Variants in CLVS1 observed in about 807,000 individuals in gnomAD.
CLVS1 encodes the protein clavesin-1.
Under a neutral mutation model 33.1 loss-of-function variants are expected in CLVS1, and 10 were observed. The observed-to-expected ratio is 0.30, with a 90% CI of 0.19 to 0.51. The LOEUF is 0.51. CLVS1 is among the 20% of genes least tolerant of loss of function. CLVS1 has a pLI of 0.97. For synonymous variants in CLVS1, 163 were observed against 166.1 expected (o/e 0.98, Z 0.14); for missense variants, 343 against 433.4 (o/e 0.79, Z 1.85).
chr8:61,132,487 C>T (rs996719931), intron 2 of CLVS1, among the ~76,000 whole-genome samples: 7 of 152,188 alleles, frequency 4.6e-5, no homozygotes, highest in African/African-American at 1.7e-4. Context: ...CTGAATGGGG[C>T]AGGCTTCAGG....
At chr8:61,057,834 T>C (rs1220226056) in intron 1 of CLVS1, among the ~76,000 whole-genome samples, 3 of 152,324 alleles carry the variant, frequency 2.0e-5, no homozygotes, top group Non-Finnish European at 4.4e-5. Context: ...CCTTTATATA[T>C]TTCAGCCTTT....
At chr8:61,078,150 G>T (rs570729514) in intron 1 of CLVS1, among the ~76,000 whole-genome samples, 1 of 152,222 alleles carries the variant, frequency 6.6e-6, no homozygotes, top group Non-Finnish European at 1.5e-5. Flanking sequence ...TCTCCGGGGC[G>T]CATGAGGCAG....
intron 3 of CLVS1, 77 bp downstream of exon 3, chr8:61,376,856 A>C: frequency 7.5e-7 from 1 of 1,340,260 alleles, no homozygotes; most frequent in Non-Finnish European, 1.0e-6. Flanking sequence ...CCAAAGTAAT[A>C]TTTATCCTTT....
chr8:61,323,854 G>A (rs71513470), intron 2 of CLVS1, among the ~76,000 whole-genome samples: 155 of 151,968 alleles, frequency 1.0e-3, no homozygotes, highest in Non-Finnish European at 1.5e-3. Flanking sequence ...TTCCCTCTAC[G>A]TGTCTATAAG....
In CLVS1 at chr8:61,205,383, C is replaced by T. The variant is rs113109017; in HGVS notation, c.-152+73523C>T. 8.7e-3 allele frequency among the ~76,000 whole-genome samples: 1,330 copies of T among 152,282 alleles called. 28 individuals are homozygous for T. Among genetic ancestry groups the T allele is most frequent in the African/African-American group, 0.03 (1,233 of 41,562 alleles). ...ATCAATGGAATCATACAGTATTTGT[C>T]CTTTCGTGTTGCATAAAGACTTCAG... On this transcript the variant is annotated intron_variant, in intron 2 of 2. Coordinates refer to the CLVS1 transcript ENST00000522621.
chr8:61,116,702 A>G (rs1429797738), intron 1 of CLVS1, among the ~76,000 whole-genome samples: 1 of 146,156 alleles, frequency 6.8e-6, no homozygotes, highest in Non-Finnish European at 1.5e-5. Flanking sequence ...GTTATTTCTG[A>G]GGGCTCTGTT....
intron 2 of CLVS1, among the ~76,000 whole-genome samples, chr8:61,195,790 G>A (rs1585680116): frequency 6.6e-6 from 1 of 152,030 alleles, no homozygotes; most frequent in Non-Finnish European, 1.5e-5. Context: ...GACTGGGAAA[G>A]GTAGAAATGA....
chr8:60,996,342 T>A, the CLVS1 span, among the ~76,000 whole-genome samples: 1,319 of 152,274 alleles, frequency 8.7e-3, 25 homozygotes, highest in African/African-American at 0.031. Flanking sequence ...ATCTTATGAA[T>A]AAAGGAAAGT....
the CLVS1 span, among the ~76,000 whole-genome samples, chr8:60,989,324 G>A: frequency 2.6e-4 from 39 of 152,280 alleles, 1 homozygote; most frequent in African/African-American, 9.1e-4. Flanking sequence ...GGGATTGCAG[G>A]CATGTGCCAC....
intron 2 of CLVS1, among the ~76,000 whole-genome samples, chr8:61,330,368 C>G (rs1037768474): frequency 1.3e-5 from 2 of 151,992 alleles, no homozygotes; most frequent in African/African-American, 4.8e-5. Flanking sequence ...AGTGTGGGAC[C>G]CCAGGTAAAA....
At position 61,073,975 on chromosome 8, in the gene CLVS1, G is replaced by A. The variant is rs1305224025; in HGVS notation, c.-243+16745G>A. 2.2e-5 allele frequency among the ~76,000 whole-genome samples: 3 copies of A among 135,752 alleles called. No individual in the cohort carries two copies. In the East Asian group the frequency reaches 6.3e-4, roughly 28 times the overall value. 89.1% of individuals were successfully genotyped at this position (135,752 alleles called of 152,430 possible). On this transcript the variant is annotated intron_variant, in intron 1 of 2. Transcript: ENST00000522621. ...TGCAGTGAGCCAAGATCGCGCCACTGCACTCCAGCCTGGGCAACAGTGAGA... is the reference window on the plus strand; with the variant it reads ...TGCAGTGAGCCAAGATCGCGCCACTACACTCCAGCCTGGGCAACAGTGAGA...
At chr8:61,212,800 T>C (rs117993111) in intron 2 of CLVS1, among the ~76,000 whole-genome samples, 4 of 152,176 alleles carry the variant, frequency 2.6e-5, no homozygotes, top group Non-Finnish European at 5.9e-5. Context: ...GGGAGGCGCC[T>C]TGGAGATGAA....
chr8:61,311,359 CTCACTCTCTAATTCCACT>C (rs1323363480), intron 2 of CLVS1, among the ~76,000 whole-genome samples: 1 of 152,244 alleles, frequency 6.6e-6, no homozygotes, highest in Non-Finnish European at 1.5e-5. Flanking sequence ...TACTCTACCA[CTCACTCTCTAATTCCACT>C]TCATCCAGGG....
At chr8:61,080,772 G>C (rs907474012) in intron 1 of CLVS1, among the ~76,000 whole-genome samples, 1 of 152,160 alleles carries the variant, frequency 6.6e-6, no homozygotes, top group Admixed American at 6.5e-5. Flanking sequence ...ATGCCCAAAA[G>C]ACAGCAATCC....
At chr8:61,180,931 G>T (rs1181258522) in intron 2 of CLVS1, among the ~76,000 whole-genome samples, 1 of 152,162 alleles carries the variant, frequency 6.6e-6, no homozygotes, top group African/African-American at 2.4e-5. Flanking sequence ...ACCAGCACAG[G>T]ACAAGGATGT....
chr8:61,298,142 G>A (rs923880976), intron 1 of CLVS1, among the ~76,000 whole-genome samples: 1 of 151,948 alleles, frequency 6.6e-6, no homozygotes, highest in African/African-American at 2.4e-5. Context: ...AAGAACTGGA[G>A]AAGGAAGACA....
chr8:61,319,915 TA>T (rs1311834326), intron 2 of CLVS1, among the ~76,000 whole-genome samples: 4 of 152,278 alleles, frequency 2.6e-5, no homozygotes, highest in Admixed American at 1.3e-4. Flanking sequence ...TCTATCTTAA[TA>T]AAAAAGTTAT....
chr8:61,327,363 G>GAT (rs1310292226), intron 2 of CLVS1, among the ~76,000 whole-genome samples: 1 of 152,014 alleles, frequency 6.6e-6, no homozygotes, highest in Non-Finnish European at 1.5e-5. Context: ...AATCTCATTT[G>GAT]ATATTTTTAC....
chr8:61,396,203 C>T (rs1269998831), intron 3 of CLVS1, among the ~76,000 whole-genome samples: 1 of 152,158 alleles, frequency 6.6e-6, no homozygotes, highest in Non-Finnish European at 1.5e-5. Context: ...ACTTTTCTTT[C>T]TGCCTTGTCT....
Sources: allele counts gnomAD v4.1 joint callset (sites outside exome capture counted in the v4.1 genomes callset), GRCh38; gene constraint gnomAD v4.1.1; transcripts MANE v1.5; gene names NCBI Gene and HGNC (gene_info 2026-07-23, HGNC 2026-07-21).